The following STIL variants were observed in gnomAD, a reference collection of about 807,000 sequenced individuals.
STIL encodes the protein STIL centriolar assembly protein, also known as SCL-interrupting locus protein.
STIL carries 55 observed loss-of-function variants against 110.1 expected under a neutral mutation model. The observed-to-expected ratio is 0.50, with a 90% CI of 0.40 to 0.63. STIL has a LOEUF of 0.63. STIL is among the 20% of genes least tolerant of loss of function. The probability of loss-of-function intolerance (pLI) is 0.00; values close to 1 mark genes in which losing one functional copy is unlikely to be tolerated. For missense variants in STIL, 1,358 were observed against 1,530.0 expected (o/e 0.89, Z 1.87); for synonymous variants, 481 against 530.0 (o/e 0.91, Z 1.27).
chr1:47,277,522 G>A (rs1423331831), intron 12 of STIL, among the ~76,000 whole-genome samples: 2 of 152,138 alleles, frequency 1.3e-5, no homozygotes, highest in African/African-American at 4.8e-5. Flanking sequence ...GGAAACATGA[G>A]GGGATAGTAC....
At chr1:47,275,240 T>TAA (rs78773079) in intron 12 of STIL, among the ~76,000 whole-genome samples, 7 of 146,912 alleles carry the variant, frequency 4.8e-5, no homozygotes, top group Middle Eastern at 3.6e-3. Flanking sequence ...TCATCTGATT[T>TAA]AAAAAAAAAA....
chr1:47,287,161 G>A (rs539958652), intron 10 of STIL, among the ~76,000 whole-genome samples: 44 of 152,158 alleles, frequency 2.9e-4, no homozygotes, highest in African/African-American at 7.7e-4. Context: ...CTAGGAGCTC[G>A]AGACCAACCT....
At chr1:47,293,652 A>G (rs1277141798) in intron 7 of STIL, 108 bp from the exon 8 acceptor site, 21 of 866,328 alleles carry the variant, frequency 2.4e-5, no homozygotes, top group Non-Finnish European at 3.7e-5. Context: ...TCAGCCATAC[A>G]TTAAAAAGCC....
chr1:47,272,249 A>C lies in STIL; in HGVS notation c.2218-8T>G. 2 of 1,614,128 alleles carry C rather than the reference A, an allele frequency of 1.2e-6. No homozygotes were observed. Among genetic ancestry groups the C allele is most frequent in the South Asian group, 1.1e-5 (1 of 91,080 alleles). On this transcript the variant is annotated splice_polypyrimidine_tract_variant and splice_region_variant and intron_variant, in intron 12 of 16. Transcript: ENST00000371877. ...TTCCAACAAACGCTGAATCTGTATCAATTAAAAACATACTTTAAACTGACA... is the reference window on the plus strand; with the variant it reads ...TTCCAACAAACGCTGAATCTGTATCCATTAAAAACATACTTTAAACTGACA...
chr1:47,278,874 A>G (rs1487661780), intron 12 of STIL, among the ~76,000 whole-genome samples: 1 of 152,212 alleles, frequency 6.6e-6, no homozygotes, highest in Non-Finnish European at 1.5e-5. Flanking sequence ...TTAAAAAAAC[A>G]GCAGAGCTAA....
chr1:47,259,285 CTTTTTTTTT>C (rs3043082), intron 16 of STIL, among the ~76,000 whole-genome samples: 2 of 76,096 alleles, frequency 2.6e-5, no homozygotes, highest in African/African-American at 5.6e-5. Flanking sequence ...CGCGCCCGGC[CTTTTTTTTT>C]TTTTTTTTTT....
chr1:47,289,388 CAA>C, intron 9 of STIL, 45 bp downstream of exon 9: 1 of 1,577,850 alleles, frequency 6.3e-7, no homozygotes, highest in Non-Finnish European at 8.7e-7. Context: ...TGCCAAAGTG[CAA>C]AACCCTAAAC....
Position 47,260,342 on chromosome 1 carries a change from T to C in STIL, c.3027A>G (p.Lys1009=), listed in dbSNP as rs780815610. The C allele has an allele frequency of 5.6e-6, 9 of 1,614,028 alleles. No individual in the cohort carries two copies. In the African/African-American group the frequency reaches 9.3e-5, roughly 17 times the overall value. ...TLKQLRSLGV[K]IDSPTKVKKN... ...TCTTCACTTTAGTGGGAGAATCAATTTTTACTCCAAGGCTTCTTAGTTGCT... is the reference window on the plus strand; with the variant it reads ...TCTTCACTTTAGTGGGAGAATCAATCTTTACTCCAAGGCTTCTTAGTTGCT... The change falls in exon 16 of 17, where the codon AAA becomes AAG. Residue 1009 remains lysine, a synonymous_variant. Transcript: ENST00000371877.
intron 12 of STIL, among the ~76,000 whole-genome samples, chr1:47,277,815 C>T (rs895119216): frequency 1.3e-5 from 2 of 151,900 alleles, no homozygotes; most frequent in Non-Finnish European, 2.9e-5. Context: ...GAACTCCATA[C>T]AACTTTGCCA....
At chr1:47,277,641 G>T (rs1645031290) in intron 12 of STIL, among the ~76,000 whole-genome samples, 1 of 152,134 alleles carries the variant, frequency 6.6e-6, no homozygotes, top group African/African-American at 2.4e-5. Flanking sequence ...AGCAGAGCCT[G>T]GGTTTGTGAC....
intron 8 of STIL, among the ~76,000 whole-genome samples, chr1:47,293,105 G>A (rs1645541825): frequency 1.3e-5 from 2 of 152,150 alleles, no homozygotes; most frequent in South Asian, 4.1e-4. Flanking sequence ...TAAAACATCT[G>A]TAAGGTAACA....
intron 6 of STIL, among the ~76,000 whole-genome samples, chr1:47,296,377 T>A (rs574450659): frequency 3.0e-4 from 45 of 152,068 alleles, no homozygotes; most frequent in African/African-American, 1.0e-3. Context: ...ACACAAAAGC[T>A]CACTCTTTCC....
At chr1:47,280,146 T>C in intron 12 of STIL, 95 bp downstream of exon 12, 1 of 1,530,002 alleles carries the variant, frequency 6.5e-7, no homozygotes, top group South Asian at 1.1e-5. Flanking sequence ...TGACATTCTA[T>C]ACTTCTATAA....
intron 16 of STIL, among the ~76,000 whole-genome samples, chr1:47,255,912 T>G (rs992410860): frequency 6.6e-6 from 1 of 152,196 alleles, no homozygotes; most frequent in African/African-American, 2.4e-5. Context: ...GCCACTCTTC[T>G]GGCGGAATGA....
At position 47,282,453 on chromosome 1, in the gene STIL, G is replaced by A. The variant is rs183263043; in HGVS notation, c.1140C>T (p.Ser380=). ...GCATCTTCCCAGAAGATAACTTTTG[G>A]GAAGACCTAAAGAATAGAAGGGGAG... ...ASKNFSIKRS[S]QKLSSGKMPI... is the part of the protein sequence containing the mutation. Residue 380 remains serine (S), a synonymous_variant, in exon 11 of 17, where the codon TCC becomes TCT. Coordinates refer to ENST00000371877, the MANE Select transcript of STIL (RefSeq NM_001048166.1). 3.1e-5 allele frequency: 49 copies of A among 1,606,358 alleles called. No homozygotes were observed. The East Asian group carries it at 1.1e-3, about 35-fold the overall frequency.
At chr1:47,264,803 C>G (rs1453874587) in intron 14 of STIL, among the ~76,000 whole-genome samples, 1 of 151,894 alleles carries the variant, frequency 6.6e-6, no homozygotes, top group Non-Finnish European at 1.5e-5. Flanking sequence ...AATCAACAAC[C>G]CAAATCAATG....
At chr1:47,276,734 CG>C (rs1266586428) in intron 12 of STIL, among the ~76,000 whole-genome samples, 1 of 147,380 alleles carries the variant, frequency 6.8e-6, no homozygotes. Context: ...GCTTCAACCC[CG>C]GGGGGCAGAT....
intron 14 of STIL, among the ~76,000 whole-genome samples, chr1:47,264,163 C>T (rs1644568295): frequency 1.3e-5 from 2 of 152,182 alleles, no homozygotes; most frequent in South Asian, 4.1e-4. Flanking sequence ...AATAAAATAA[C>T]ACCAAGAGCT....
At chr1:47,269,537 TA>T in intron 14 of STIL, 97 bp downstream of exon 14, 1 of 865,620 alleles carries the variant, frequency 1.2e-6, no homozygotes, top group Non-Finnish European at 1.9e-6. Flanking sequence ...AACATGCATC[TA>T]AACATTGTGC....
Sources: allele counts gnomAD v4.1 joint callset (sites outside exome capture counted in the v4.1 genomes callset), GRCh38; gene constraint gnomAD v4.1.1; transcripts MANE v1.5; gene names NCBI Gene and HGNC (gene_info 2026-07-23, HGNC 2026-07-21).